CSMD3: variants seen among roughly 807,000 people sequenced by gnomAD.
CSMD3 encodes CUB and Sushi multiple domains 3, also known as CUB and sushi domain-containing protein 3.
In CSMD3, 177 loss-of-function variants were observed where a neutral mutation model predicts 435.2. The observed-to-expected ratio is 0.41, with a 90% CI of 0.36 to 0.46. The LOEUF (loss-of-function observed/expected upper bound fraction) is 0.46. Ranked by LOEUF, CSMD3 falls within the 20% of genes least tolerant of loss-of-function variation. The pLI is 0.34. For missense variants in CSMD3, 4,265 were observed against 4,504.6 expected (o/e 0.95, Z 1.52); for synonymous variants, 1,656 against 1,520.5 (o/e 1.09, Z -2.07).
At chr8:112,879,383 G>A (rs1003453705) in intron 10 of CSMD3, among the ~76,000 whole-genome samples, 2 of 152,050 alleles carry the variant, frequency 1.3e-5, no homozygotes, top group Non-Finnish European at 2.9e-5. Flanking sequence ...CCCTTGAACC[G>A]TGTTTCCTGC....
At chr8:112,324,813 A>G (rs1246152911) in intron 45 of CSMD3, among the ~76,000 whole-genome samples, 1 of 152,086 alleles carries the variant, frequency 6.6e-6, no homozygotes, top group Non-Finnish European at 1.5e-5. Context: ...GTAGTCAGAA[A>G]TTTTTAAAAA....
intron 1 of CSMD3, among the ~76,000 whole-genome samples, chr8:113,358,894 T>G (rs879583067): frequency 6.6e-6 from 1 of 152,128 alleles, no homozygotes; most frequent in Non-Finnish European, 1.5e-5. Context: ...AAAAAGGCTA[T>G]GTAGCAAATT....
At chr8:113,159,739 C>T (rs2092003257) in intron 4 of CSMD3, among the ~76,000 whole-genome samples, 3 of 151,906 alleles carry the variant, frequency 2.0e-5, no homozygotes, top group South Asian at 4.1e-4. Context: ...TAGGATTTAA[C>T]CTGAATTTAA....
chr8:112,716,828 G>T (rs1471886714), intron 13 of CSMD3, among the ~76,000 whole-genome samples: 1 of 152,152 alleles, frequency 6.6e-6, no homozygotes, highest in Non-Finnish European at 1.5e-5. Context: ...AATGGGTAAA[G>T]AATTCCCTAT....
At chr8:113,053,832 A>C (rs2088202027) in intron 5 of CSMD3, among the ~76,000 whole-genome samples, 1 of 152,178 alleles carries the variant, frequency 6.6e-6, no homozygotes. Context: ...TGGTTTCTTC[A>C]GAATAAAGAA....
intron 4 of CSMD3, among the ~76,000 whole-genome samples, chr8:113,134,451 A>G (rs915932473): frequency 1.3e-5 from 2 of 152,058 alleles, no homozygotes; most frequent in Admixed American, 1.3e-4. Context: ...ATCACACAGT[A>G]TTCACAATCT....
chr8:112,312,840 A>T (rs775215419), intron 49 of CSMD3, among the ~76,000 whole-genome samples: 8 of 152,178 alleles, frequency 5.3e-5, no homozygotes, highest in Non-Finnish European at 1.2e-4. Flanking sequence ...TTAGAACTGA[A>T]ATTCAAAATG....
intron 58 of CSMD3, among the ~76,000 whole-genome samples, chr8:112,286,707 C>A (rs559932690): frequency 6.6e-6 from 1 of 151,970 alleles, no homozygotes; most frequent in African/African-American, 2.4e-5. Context: ...GTAGTATCTG[C>A]GTTTTCAGGC....
intron 6 of CSMD3, among the ~76,000 whole-genome samples, chr8:112,979,863 C>A (rs1305005125): frequency 6.6e-6 from 1 of 150,894 alleles, no homozygotes. Flanking sequence ...ATGAACTTAT[C>A]TGAAATATAA....
At chr8:112,463,975 G>A (rs1393404089) in intron 32 of CSMD3, among the ~76,000 whole-genome samples, 1 of 152,090 alleles carries the variant, frequency 6.6e-6, no homozygotes, top group Non-Finnish European at 1.5e-5. Context: ...GGTGGCTCAT[G>A]CCTGTAATCC....
At chr8:112,283,592 C>A (rs1006578099) in intron 58 of CSMD3, among the ~76,000 whole-genome samples, 5 of 151,200 alleles carry the variant, frequency 3.3e-5, no homozygotes, top group African/African-American at 1.2e-4. Context: ...TTTTTTATTT[C>A]TATTTTTCTT....
intron 2 of CSMD3, among the ~76,000 whole-genome samples, chr8:113,282,932 ATACT>A (rs773012837): frequency 6.6e-6 from 1 of 152,120 alleles, no homozygotes; most frequent in African/African-American, 2.4e-5. Context: ...ATAAACCCAA[ATACT>A]TACAGCCAAC....
chr8:112,577,757 C>A (rs1016183630), intron 23 of CSMD3, among the ~76,000 whole-genome samples: 2 of 152,018 alleles, frequency 1.3e-5, no homozygotes, highest in Non-Finnish European at 2.9e-5. Flanking sequence ...TACAGACTCT[C>A]CTGAATCCAG....
chr8:112,415,530 A>T (rs1202008044), intron 32 of CSMD3, among the ~76,000 whole-genome samples: 1 of 152,206 alleles, frequency 6.6e-6, no homozygotes, highest in East Asian at 1.9e-4. Flanking sequence ...GAGCTCCCAC[A>T]CAGAGTACCC....
At chr8:113,245,992 C>T (rs1214939753) in intron 3 of CSMD3, among the ~76,000 whole-genome samples, 1 of 151,942 alleles carries the variant, frequency 6.6e-6, no homozygotes, top group African/African-American at 2.4e-5. Context: ...TTGAAGATCC[C>T]TTATGTGTGA....
chr8:112,453,037 T>C (rs747459005), intron 32 of CSMD3, among the ~76,000 whole-genome samples: 1 of 152,200 alleles, frequency 6.6e-6, no homozygotes, highest in Non-Finnish European at 1.5e-5. Context: ...CTCATCAGAT[T>C]CCTGACTCTT....
chr8:112,978,579 A>C (rs1211066340), intron 6 of CSMD3, among the ~76,000 whole-genome samples: 2 of 151,976 alleles, frequency 1.3e-5, no homozygotes, highest in East Asian at 3.9e-4. Context: ...ACTTCCCACC[A>C]ACGGTGATGA....
chr8:113,358,233 A>T (rs2132964245), intron 1 of CSMD3, among the ~76,000 whole-genome samples: 1 of 152,366 alleles, frequency 6.6e-6, no homozygotes. Context: ...CAACTAAATT[A>T]TTTCTCTAGC....
chr8:112,962,139 A>G (rs1797302056), intron 7 of CSMD3, among the ~76,000 whole-genome samples: 1 of 151,478 alleles, frequency 6.6e-6, no homozygotes, highest in African/African-American at 2.4e-5. Context: ...TATCCACTCA[A>G]TTTATGCACT....
Sources: gnomAD v4.1 joint callset for allele counts (sites outside exome capture counted in the v4.1 genomes callset) on GRCh38, gnomAD v4.1.1 for gene constraint, MANE v1.5 for transcripts, NCBI Gene and HGNC (gene_info 2026-07-23, HGNC 2026-07-21) for gene names.